Variants in RORA observed in about 807,000 individuals in gnomAD.
RORA encodes RAR related orphan receptor A.
A neutral mutation model predicts 69.5 loss-of-function variants in RORA; 7 were observed. That is an observed-to-expected ratio of 0.10 (90% CI 0.06 to 0.19). The LOEUF (loss-of-function observed/expected upper bound fraction) is 0.19, where lower values mean the gene tolerates loss of function less well. RORA is among the 10% of genes least tolerant of loss of function. The pLI, the probability that RORA is intolerant of heterozygous loss-of-function variation, is 1.00. For synonymous variants in RORA, 261 were observed against 240.8 expected, an observed-to-expected ratio of 1.08 and a Z score of -0.78; for missense variants, 457 against 663.0, an observed-to-expected ratio of 0.69 and a Z score of 3.41.
In RORA at chr15:60,505,633, A is replaced by C; in HGVS notation, c.821-4T>G. On this transcript the variant is annotated splice_region_variant and splice_polypyrimidine_tract_variant and intron_variant, in intron 5 of 10. Coordinates refer to ENST00000335670, the MANE Select transcript of RORA (RefSeq NM_134261.3). ...GATATATTCTGTGCAAGGTGTTCTA[A>C]GGAGAAAACGGGAGATCACAAACAC... 6.2e-7 allele frequency: 1 copy of C among 1,613,272 alleles called. No individual in the cohort carries two copies. The highest frequency in any genetic ancestry group is 8.5e-7 in the Non-Finnish European group (1 of 1,179,638).
At chr15:60,985,557 T>C (rs950808282) in intron 1 of RORA, among the ~76,000 whole-genome samples, 1 of 151,630 alleles carries the variant, frequency 6.6e-6, no homozygotes, top group African/African-American at 2.4e-5. Context: ...AAAATTAATC[T>C]TGTGCTAGGT....
At chr15:61,212,117 G>A (rs562258001) in intron 1 of RORA, among the ~76,000 whole-genome samples, 2 of 152,238 alleles carry the variant, frequency 1.3e-5, no homozygotes, top group South Asian at 4.2e-4. Flanking sequence ...TCCTCCCAGG[G>A]CAATAAGGAG....
chr15:60,851,240 T>A (rs2073321315), intron 1 of RORA, among the ~76,000 whole-genome samples: 1 of 152,168 alleles, frequency 6.6e-6, no homozygotes, highest in South Asian at 2.1e-4. Context: ...ATTTCAAAAG[T>A]CTGCAGAACA....
intron 1 of RORA, among the ~76,000 whole-genome samples, chr15:61,221,957 GA>G (rs537077047): frequency 0.027 from 2,751 of 100,184 alleles, 72 homozygotes; most frequent in African/African-American, 0.078. Flanking sequence ...ATCTCTTTAA[GA>G]AAAAAAAAAA....
chr15:60,964,320 C>T (rs1419022280), intron 1 of RORA, among the ~76,000 whole-genome samples: 9 of 152,168 alleles, frequency 5.9e-5, no homozygotes. Context: ...TAGCCCATTT[C>T]TTTATGAAGC....
chr15:60,782,177 A>C (rs1197375024), intron 1 of RORA, among the ~76,000 whole-genome samples: 2 of 152,146 alleles, frequency 1.3e-5, no homozygotes, highest in African/African-American at 2.4e-5. Context: ...GTGAGCTGAG[A>C]TCGCGCCACT....
At chr15:60,801,091 C>A (rs949152198) in intron 1 of RORA, among the ~76,000 whole-genome samples, 1 of 152,118 alleles carries the variant, frequency 6.6e-6, no homozygotes, top group Non-Finnish European at 1.5e-5. Flanking sequence ...AAAGGCAGAC[C>A]ACAAAATAGA....
chr15:60,545,311 T>A (rs1343915147), intron 2 of RORA, among the ~76,000 whole-genome samples: 1 of 152,200 alleles, frequency 6.6e-6, no homozygotes, highest in Non-Finnish European at 1.5e-5. Context: ...CCACCAACAA[T>A]GAGACGAATG....
At chr15:61,018,282 G>T (rs1895375083) in intron 1 of RORA, among the ~76,000 whole-genome samples, 3 of 152,114 alleles carry the variant, frequency 2.0e-5, no homozygotes, top group African/African-American at 7.2e-5. Flanking sequence ...GCCTCTCCTG[G>T]GCTCTAGCTG....
At chr15:60,804,372 A>G (rs1021850024) in intron 1 of RORA, among the ~76,000 whole-genome samples, 1 of 152,066 alleles carries the variant, frequency 6.6e-6, no homozygotes, top group East Asian at 1.9e-4. Context: ...CTTTAATAAA[A>G]TAAATTCATT....
intron 7 of RORA, among the ~76,000 whole-genome samples, 178 bp from the exon 8 acceptor site, chr15:60,503,045 A>C (rs1423619527): frequency 6.6e-6 from 1 of 152,214 alleles, no homozygotes. Flanking sequence ...TTTTCTATGT[A>C]ATTAAAAGAC....
At chr15:60,859,498 A>G (rs1447879954) in intron 1 of RORA, among the ~76,000 whole-genome samples, 2 of 145,000 alleles carry the variant, frequency 1.4e-5, no homozygotes, top group African/African-American at 5.1e-5. Context: ...TTTTTGAGAC[A>G]GGGTCTTGCT....
At chr15:61,223,130 A>G (rs904836436) in intron 1 of RORA, among the ~76,000 whole-genome samples, 3 of 152,060 alleles carry the variant, frequency 2.0e-5, no homozygotes, top group African/African-American at 4.8e-5. Flanking sequence ...CCTGGGCAAC[A>G]TGGTGAAACC....
chr15:60,601,889 C>T (rs1034434742), intron 2 of RORA, among the ~76,000 whole-genome samples: 1 of 152,006 alleles, frequency 6.6e-6, no homozygotes, highest in African/African-American at 2.4e-5. Context: ...GACAACACAT[C>T]TTAAGTAAAA....
chr15:60,665,252 G>T (rs2070362891), intron 2 of RORA, among the ~76,000 whole-genome samples: 1 of 152,156 alleles, frequency 6.6e-6, no homozygotes, highest in Non-Finnish European at 1.5e-5. Flanking sequence ...CCCTTGATAG[G>T]ATACACCCTT....
At position 60,839,326 on chromosome 15, in the gene RORA, G is replaced by T. The variant is rs181462320; in HGVS notation, c.167-160640C>A. ...CACATTAAAGATGATGATAATAATT[G>T]AAATTACATATTGACCATTTATGTA... On this transcript the variant is annotated intron_variant, in intron 1 of 10. Transcript: ENST00000335670. Among the ~76,000 whole-genome samples, 42 of 152,224 alleles carry T rather than the reference G, an allele frequency of 2.8e-4. No homozygotes were observed. The East Asian group carries it at 7.5e-3, about 27-fold the overall frequency.
At chr15:60,799,333 C>T (rs1052062350) in intron 1 of RORA, among the ~76,000 whole-genome samples, 1 of 152,174 alleles carries the variant, frequency 6.6e-6, no homozygotes, top group East Asian at 1.9e-4. Flanking sequence ...GAGGAATTCA[C>T]TTGGGGTCTG....
At chr15:61,048,860 G>C (rs1427202091) in intron 1 of RORA, among the ~76,000 whole-genome samples, 1 of 152,136 alleles carries the variant, frequency 6.6e-6, no homozygotes, top group Non-Finnish European at 1.5e-5. Context: ...TTTGGCCTCA[G>C]ACACAGTCAA....
At chr15:60,936,446 C>A (rs1595828367) in intron 1 of RORA, among the ~76,000 whole-genome samples, 2 of 152,308 alleles carry the variant, frequency 1.3e-5, no homozygotes, top group East Asian at 3.9e-4. Flanking sequence ...CAGAGGGCAC[C>A]CTTGCACACC....
Sources: gnomAD v4.1 joint callset for allele counts (sites outside exome capture counted in the v4.1 genomes callset) on GRCh38, gnomAD v4.1.1 for gene constraint, MANE v1.5 for transcripts, NCBI Gene and HGNC (gene_info 2026-07-23, HGNC 2026-07-21) for gene names.